The following TCF12 variants were observed in gnomAD, a reference collection of about 807,000 sequenced individuals.
TCF12 encodes the protein transcription factor 12.
In TCF12, 45 loss-of-function variants were observed where a neutral mutation model predicts 86.0. The ratio of observed to expected loss-of-function variants is 0.52; its 90% confidence interval spans 0.41 to 0.67. The LOEUF (loss-of-function observed/expected upper bound fraction) is 0.67. TCF12 is among the 30% of genes least tolerant of loss of function. The pLI is 0.00. For synonymous variants in TCF12, 330 were observed against 299.6 expected (o/e 1.10, Z -1.05); for missense variants, 881 against 859.9 (o/e 1.02, Z -0.31).
chr15:57,056,806 C>CT (rs113348374), intron 3 of TCF12, among the ~76,000 whole-genome samples: 7,031 of 142,242 alleles, frequency 0.049, 335 homozygotes, highest in African/African-American at 0.13. Context: ...GAGATTTTCA[C>CT]TTTTTTTTTT....
intron 3 of TCF12, among the ~76,000 whole-genome samples, chr15:57,034,558 T>C (rs1596232676): frequency 6.6e-6 from 1 of 152,180 alleles, no homozygotes; most frequent in East Asian, 1.9e-4. Flanking sequence ...AATTTAACAT[T>C]TAATAGAATA....
At chr15:56,941,855 A>G (rs1392540537) in intron 3 of TCF12, among the ~76,000 whole-genome samples, 7 of 152,074 alleles carry the variant, frequency 4.6e-5, no homozygotes, top group African/African-American at 7.2e-5. Context: ...TAAAGATTAT[A>G]ATTCTCATCT....
intron 3 of TCF12, among the ~76,000 whole-genome samples, chr15:56,965,940 T>G (rs1371899408): frequency 6.6e-6 from 1 of 152,232 alleles, no homozygotes; most frequent in Admixed American, 6.5e-5. Flanking sequence ...GATTGAAATC[T>G]TTAGAAAATG....
At chr15:57,085,614 G>A (rs1322789432) in intron 4 of TCF12, among the ~76,000 whole-genome samples, 2 of 152,152 alleles carry the variant, frequency 1.3e-5, no homozygotes, top group African/African-American at 4.8e-5. Flanking sequence ...TCAAGGATTT[G>A]TTTTAGAAAG....
chr15:57,248,113 C>G (rs1364931175), intron 13 of TCF12: 1 of 702,122 alleles, frequency 1.4e-6, no homozygotes, highest in African/African-American at 1.7e-5. Context: ...TTTTGAGAGT[C>G]TTTTAAAAAT....
chr15:56,931,524 C>A (rs1567121587), intron 3 of TCF12, among the ~76,000 whole-genome samples: 3 of 152,104 alleles, frequency 2.0e-5, no homozygotes, highest in Non-Finnish European at 2.9e-5. Flanking sequence ...TTAAGAAAAT[C>A]CTAATCATCT....
chr15:57,207,080 C>A (rs1307827322), intron 8 of TCF12, among the ~76,000 whole-genome samples: 1 of 152,018 alleles, frequency 6.6e-6, no homozygotes, highest in African/African-American at 2.4e-5. Context: ...ACACTCCAAC[C>A]TGGGTAACAG....
intron 13 of TCF12, among the ~76,000 whole-genome samples, chr15:57,245,156 C>A (rs1314977874): frequency 6.6e-6 from 1 of 152,338 alleles, no homozygotes; most frequent in Admixed American, 6.5e-5. Context: ...CCTTTTTGCA[C>A]TGTGGCCCTG....
At chr15:56,983,566 G>A (rs1236332280) in intron 3 of TCF12, among the ~76,000 whole-genome samples, 1 of 152,058 alleles carries the variant, frequency 6.6e-6, no homozygotes, top group African/African-American at 2.4e-5. Flanking sequence ...TTCCTAGAGA[G>A]ATCTATTGCA....
At chr15:57,062,352 G>A (rs1209828099) in intron 3 of TCF12, among the ~76,000 whole-genome samples, 1 of 151,996 alleles carries the variant, frequency 6.6e-6, no homozygotes, top group Non-Finnish European at 1.5e-5. Flanking sequence ...ACAAAACACT[G>A]TTCACGTAAT....
intron 5 of TCF12, among the ~76,000 whole-genome samples, 198 bp from the exon 6 acceptor site, chr15:57,166,204 A>C (rs2054880853): frequency 6.6e-6 from 1 of 152,236 alleles, no homozygotes. Flanking sequence ...GACGTGAGTC[A>C]CTACATCCTG....
chr15:57,172,673 TGGG>T (rs1395226139), intron 6 of TCF12, among the ~76,000 whole-genome samples: 1 of 151,970 alleles, frequency 6.6e-6, no homozygotes, highest in African/African-American at 2.4e-5. Context: ...AAATAGCTAT[TGGG>T]TGCTAGGCTT....
chr15:57,006,001 T>G (rs549859066), intron 3 of TCF12, among the ~76,000 whole-genome samples: 1 of 152,352 alleles, frequency 6.6e-6, no homozygotes, highest in South Asian at 2.1e-4. Flanking sequence ...TGTATTTTAT[T>G]GGATATATTG....
At chr15:57,053,945 G>A (rs886178300) in intron 3 of TCF12, among the ~76,000 whole-genome samples, 110 of 152,242 alleles carry the variant, frequency 7.2e-4, no homozygotes, top group African/African-American at 2.6e-3. Flanking sequence ...TGGTTTTGCT[G>A]GTGTGATCCA....
chr15:57,264,350 C>G (rs12438331), intron 18 of TCF12, among the ~76,000 whole-genome samples: 6,089 of 150,678 alleles, frequency 0.04, 372 homozygotes, highest in Admixed American at 0.17. Context: ...ACAGGCACCC[C>G]CCACCACTCC....
intron 6 of TCF12, among the ~76,000 whole-genome samples, chr15:57,179,436 A>G (rs1178894627): frequency 1.3e-5 from 2 of 152,188 alleles, no homozygotes; most frequent in Admixed American, 1.3e-4. Context: ...TGCAGTGAGC[A>G]GGAGAATTGC....
At chr15:56,954,899 CA>C (rs2061435246) in intron 3 of TCF12, among the ~76,000 whole-genome samples, 1 of 152,148 alleles carries the variant, frequency 6.6e-6, no homozygotes, top group African/African-American at 2.4e-5. Flanking sequence ...AGTTAGGAAA[CA>C]ACAGGTGCTG....
chr15:57,154,771 T>C (rs2054001114), intron 5 of TCF12, among the ~76,000 whole-genome samples: 1 of 152,220 alleles, frequency 6.6e-6, no homozygotes, highest in African/African-American at 2.4e-5. Flanking sequence ...TCCAAAAGTT[T>C]CCTTTAAATT....
At chr15:57,262,614 C>G (rs1353121478) in intron 17 of TCF12, among the ~76,000 whole-genome samples, 6 of 152,118 alleles carry the variant, frequency 3.9e-5, no homozygotes. Flanking sequence ...AAGAGACATG[C>G]AATTTTGATA....
Sources: gnomAD v4.1 joint callset for allele counts (sites outside exome capture counted in the v4.1 genomes callset) on GRCh38, gnomAD v4.1.1 for gene constraint, MANE v1.5 for transcripts, NCBI Gene and HGNC (gene_info 2026-07-23, HGNC 2026-07-21) for gene names.